Variants in KIAA1328 observed in about 807,000 individuals in gnomAD.
KIAA1328 encodes the protein KIAA1328, also known as protein hinderin.
In KIAA1328, 52 loss-of-function variants were observed where a neutral mutation model predicts 68.1. That is an observed-to-expected ratio of 0.76 (90% confidence interval 0.61 to 0.96). The LOEUF is 0.96. Ranked by LOEUF, KIAA1328 falls within the 40% of genes least tolerant of loss-of-function variation. The pLI, the probability that KIAA1328 is intolerant of heterozygous loss-of-function variation, is 0.00. For synonymous variants in KIAA1328, 232 were observed against 239.4 expected (o/e 0.97, Z 0.28); for missense variants, 641 against 677.6 (o/e 0.95, Z 0.60).
At chr18:37,187,145 C>T (rs995606001) in intron 9 of KIAA1328, among the ~76,000 whole-genome samples, 2 of 151,394 alleles carry the variant, frequency 1.3e-5, no homozygotes, top group African/African-American at 2.4e-5. Context: ...GCCTGGGTGA[C>T]AGAGTGAGAC....
At chr18:37,188,815 T>C (rs2059850225) in intron 9 of KIAA1328, among the ~76,000 whole-genome samples, 2 of 152,242 alleles carry the variant, frequency 1.3e-5, no homozygotes, top group South Asian at 4.1e-4. Context: ...CTGGAAGATT[T>C]CATAGCAGGA....
intron 6 of KIAA1328, among the ~76,000 whole-genome samples, chr18:36,972,874 T>C (rs2052287545): frequency 6.6e-6 from 1 of 152,194 alleles, no homozygotes; most frequent in African/African-American, 2.4e-5. Flanking sequence ...GAACACACAT[T>C]GAGCCTGAAA....
chr18:37,002,397 AT>A (rs1357088070), intron 6 of KIAA1328, among the ~76,000 whole-genome samples: 1 of 150,882 alleles, frequency 6.6e-6, no homozygotes, highest in Non-Finnish European at 1.5e-5. Flanking sequence ...TTTATTTTTT[AT>A]TTGTAGAGAT....
chr18:36,909,082 A>C (rs1479381168), intron 5 of KIAA1328, among the ~76,000 whole-genome samples: 1 of 152,182 alleles, frequency 6.6e-6, no homozygotes, highest in African/African-American at 2.4e-5. Context: ...GTTGACTTTG[A>C]GTATAACTTA....
At position 37,063,123 on chromosome 18, in the gene KIAA1328, T is replaced by C. The variant is rs2056218487; in HGVS notation, c.577-3767T>C. 7.2e-5 allele frequency among the ~76,000 whole-genome samples: 11 copies of C among 152,210 alleles called. No homozygotes were observed. In the South Asian group the frequency reaches 2.3e-3, roughly 32 times the overall value. ...ACATATGTATACATGGCTGCATTAT[T>C]ATCTGGAGCTCAAGGTCCTCTTCCA... On this transcript the variant is annotated intron_variant, in intron 6 of 9. Coordinates refer to ENST00000280020, the MANE Select transcript of KIAA1328 (RefSeq NM_020776.3).
chr18:36,976,294 C>CT (rs1193589865), intron 6 of KIAA1328, among the ~76,000 whole-genome samples: 1 of 152,108 alleles, frequency 6.6e-6, no homozygotes, highest in African/African-American at 2.4e-5. Flanking sequence ...AATATGTTGA[C>CT]TAAGGAGATG....
At chr18:37,067,910 AATTGT>A (rs1306081801) in intron 7 of KIAA1328, among the ~76,000 whole-genome samples, 1 of 152,070 alleles carries the variant, frequency 6.6e-6, no homozygotes, top group Non-Finnish European at 1.5e-5. Context: ...CACAGTGTAA[AATTGT>A]TGTAATACTA....
intron 7 of KIAA1328, among the ~76,000 whole-genome samples, chr18:37,080,993 G>A (rs902107198): frequency 1.3e-4 from 19 of 151,492 alleles, no homozygotes; most frequent in African/African-American, 4.6e-4. Context: ...TTGGTTGATT[G>A]ATTGATTGAC....
chr18:37,227,163 G>C (rs971441937), downstream of KIAA1328, among the ~76,000 whole-genome samples: 1 of 152,210 alleles, frequency 6.6e-6, no homozygotes, highest in Admixed American at 6.5e-5. Context: ...TGAGAGAGAT[G>C]AAGTTATAGA....
At chr18:36,975,477 C>T (rs932564659) in intron 6 of KIAA1328, among the ~76,000 whole-genome samples, 3 of 152,162 alleles carry the variant, frequency 2.0e-5, no homozygotes, top group Admixed American at 6.5e-5. Context: ...CCACCGCGCC[C>T]GGCCTACAAG....
At chr18:36,951,345 T>C (rs913188839) in intron 5 of KIAA1328, among the ~76,000 whole-genome samples, 6 of 152,244 alleles carry the variant, frequency 3.9e-5, no homozygotes, top group Non-Finnish European at 8.8e-5. Flanking sequence ...CAGATGTTAC[T>C]GTACTCATTA....
intron 6 of KIAA1328, among the ~76,000 whole-genome samples, chr18:37,018,985 A>G (rs2151518737): frequency 6.6e-6 from 1 of 152,298 alleles, no homozygotes; most frequent in East Asian, 1.9e-4. Flanking sequence ...CTTTTGTGGT[A>G]TCATTACATT....
At position 37,160,267 on chromosome 18, in the gene KIAA1328, C is replaced by G. The variant is rs982131618; in HGVS notation, c.1300C>G (p.Pro434Ala). The change falls in exon 8 of 10, where the codon CCC (proline) becomes GCC (alanine). Residue 434 changes from proline to alanine, a missense_variant. Transcript: ENST00000280020. Reference sequence around the variant, plus strand: ...ATCATCTATTAAAAAGCACCAAGACCCCCCAAACAGTGGAGAGAATAGGAA... The same window carrying G: ...ATCATCTATTAAAAAGCACCAAGACGCCCCAAACAGTGGAGAGAATAGGAA... ...TSSSIKKHQDPPNSGENRKER... is the reference protein window; with the variant it reads ...TSSSIKKHQDAPNSGENRKER... 4.3e-6 allele frequency: 7 copies of G among 1,613,388 alleles called. No individual in the cohort carries two copies. The highest frequency in any genetic ancestry group is 5.9e-6 in the Non-Finnish European group (7 of 1,179,674).
At chr18:36,940,074 A>G (rs961589496) in intron 5 of KIAA1328, among the ~76,000 whole-genome samples, 2 of 152,200 alleles carry the variant, frequency 1.3e-5, no homozygotes, top group Admixed American at 1.3e-4. Flanking sequence ...AAAATGGCAC[A>G]TTTTAAAAAA....
At chr18:36,928,715 C>T (rs2050211021) in intron 5 of KIAA1328, among the ~76,000 whole-genome samples, 1 of 152,192 alleles carries the variant, frequency 6.6e-6, no homozygotes, top group Non-Finnish European at 1.5e-5. Context: ...CACGCATGTG[C>T]ACACATGCAT....
At chr18:36,942,118 A>G (rs2050737109) in intron 5 of KIAA1328, among the ~76,000 whole-genome samples, 1 of 152,236 alleles carries the variant, frequency 6.6e-6, no homozygotes, top group South Asian at 2.1e-4. Flanking sequence ...GAAGTGGGAT[A>G]TAAAGTTGTA....
chr18:36,959,318 A>G lies in KIAA1328; in HGVS notation c.459A>G (p.Leu153=), dbSNP rs1274339435. Residue 153 remains leucine (L), a synonymous_variant, in exon 6 of 10, where the codon CTA becomes CTG. Transcript: ENST00000280020. ...LIIKEREALQ[L]QYRECQELLS... ...AATTTGCAATCTCACCTCTTCAGCT[A>G]CAGTATAGAGAATGCCAAGAACTTC... 1 of 1,589,160 alleles carries G rather than the reference A, an allele frequency of 6.3e-7. No individual in the cohort carries two copies. Among genetic ancestry groups the G allele is most frequent in the East Asian group, 2.3e-5 (1 of 44,322 alleles).
intron 6 of KIAA1328, among the ~76,000 whole-genome samples, chr18:37,003,301 A>T (rs1311517902): frequency 6.6e-6 from 1 of 152,160 alleles, no homozygotes; most frequent in Admixed American, 6.6e-5. Context: ...TATGAATAAG[A>T]ACTCAAAAGC....
chr18:36,834,289 A>G (rs1409509194), intron 1 of KIAA1328, 31 bp from the exon 2 acceptor site: 3 of 1,541,340 alleles, frequency 1.9e-6, no homozygotes, highest in Non-Finnish European at 2.6e-6. Context: ...GGATAATATT[A>G]TTGTATTTTC....
Sources: gnomAD v4.1 joint callset for allele counts (sites outside exome capture counted in the v4.1 genomes callset) on GRCh38, gnomAD v4.1.1 for gene constraint, MANE v1.5 for transcripts, NCBI Gene and HGNC (gene_info 2026-07-23, HGNC 2026-07-21) for gene names.